The following RBMS3 variants were observed in gnomAD, a reference collection of about 807,000 sequenced individuals.
The protein encoded by RBMS3 is RNA-binding motif, single-stranded-interacting protein 3.
A neutral mutation model predicts 66.8 loss-of-function variants in RBMS3; 27 were observed. The ratio of observed to expected loss-of-function variants is 0.40; its 90% confidence interval spans 0.30 to 0.56. The LOEUF (loss-of-function observed/expected upper bound fraction) is 0.56, where lower values mean the gene tolerates loss of function less well. Ranked by LOEUF, RBMS3 falls within the 20% of genes least tolerant of loss-of-function variation. The pLI, the probability that RBMS3 is intolerant of heterozygous loss-of-function variation, is 0.40. For missense variants in RBMS3, 513 were observed against 549.5 expected (o/e 0.93, Z 0.66); for synonymous variants, 188 against 183.0 (o/e 1.03, Z -0.22).
intron 4 of RBMS3, among the ~76,000 whole-genome samples, chr3:29,725,112 C>G (rs1387610703): frequency 6.6e-6 from 1 of 152,102 alleles, no homozygotes; most frequent in African/African-American, 2.4e-5. Flanking sequence ...GTGTTGTGAC[C>G]ACGAGTACCT....
intron 1 of RBMS3, among the ~76,000 whole-genome samples, chr3:29,344,409 T>A (rs1333352414): frequency 6.6e-6 from 1 of 152,158 alleles, no homozygotes; most frequent in African/African-American, 2.4e-5. Flanking sequence ...AACGTAGTAT[T>A]TCTCTTAACA....
At chr3:29,685,944 T>G (rs995833235) in intron 4 of RBMS3, among the ~76,000 whole-genome samples, 5 of 151,948 alleles carry the variant, frequency 3.3e-5, no homozygotes, top group African/African-American at 1.2e-4. Context: ...TTTTCCCATA[T>G]TTACCAACAA....
At chr3:29,932,583 GTTC>G (rs1427609844) in intron 10 of RBMS3, among the ~76,000 whole-genome samples, 2 of 152,192 alleles carry the variant, frequency 1.3e-5, no homozygotes, top group South Asian at 2.1e-4. Context: ...AATGCAGCTA[GTTC>G]TTCTTATTGT....
chr3:29,469,488 G>A lies in RBMS3; in HGVS notation c.249-18953G>A, dbSNP rs115336627. Among the ~76,000 whole-genome samples, 739 of 152,034 alleles carry A rather than the reference G, an allele frequency of 4.9e-3. 6 individuals carry two copies. Among genetic ancestry groups the A allele is most frequent in the African/African-American group, 0.017 (711 of 41,494 alleles). Reference sequence around the variant, plus strand: ...AACAGATGGGAGATAGGATAAATAAGTTGTGAATTATTTGTTTAATGGGAC... The same window carrying A: ...AACAGATGGGAGATAGGATAAATAAATTGTGAATTATTTGTTTAATGGGAC... On this transcript the variant is annotated intron_variant, in intron 2 of 14. Coordinates refer to ENST00000383767, the MANE Select transcript of RBMS3 (RefSeq NM_001003793.3).
chr3:29,605,159 T>G (rs2048281866), intron 4 of RBMS3, among the ~76,000 whole-genome samples: 2 of 151,880 alleles, frequency 1.3e-5, no homozygotes, highest in Non-Finnish European at 2.9e-5. Context: ...CTTTTCCTCC[T>G]TTGAAATACA....
chr3:29,756,189 T>C (rs938073470), intron 5 of RBMS3, among the ~76,000 whole-genome samples: 3 of 152,132 alleles, frequency 2.0e-5, no homozygotes, highest in African/African-American at 7.2e-5. Context: ...TGCATATCGA[T>C]TCTCTAATTC....
intron 14 of RBMS3, among the ~76,000 whole-genome samples, chr3:30,003,481 A>T (rs1176692743): frequency 1.3e-5 from 2 of 151,970 alleles, no homozygotes; most frequent in Admixed American, 1.3e-4. Context: ...TACGTGATGA[A>T]TACCATGAGA....
chr3:29,488,357 G>A (rs2043399978), intron 2 of RBMS3, 84 bp from the exon 3 acceptor site: 1 of 1,168,386 alleles, frequency 8.6e-7, no homozygotes, highest in East Asian at 2.4e-5. Flanking sequence ...GCTCAGTTGT[G>A]TGTGCCCCGA....
chr3:29,412,664 T>C (rs1376972558), intron 1 of RBMS3, among the ~76,000 whole-genome samples: 5 of 152,170 alleles, frequency 3.3e-5, no homozygotes, highest in African/African-American at 1.2e-4. Flanking sequence ...TATATGTAAG[T>C]GCTGAGAATC....
intron 1 of RBMS3, among the ~76,000 whole-genome samples, chr3:29,311,105 A>G (rs2034345926): frequency 6.6e-6 from 1 of 151,752 alleles, no homozygotes; most frequent in Non-Finnish European, 1.5e-5. Context: ...TCCTTGATTC[A>G]GTAGGTTAAT....
chr3:29,592,781 G>C (rs923674788), intron 4 of RBMS3, among the ~76,000 whole-genome samples: 8 of 151,974 alleles, frequency 5.3e-5, no homozygotes, highest in Non-Finnish European at 1.0e-4. Flanking sequence ...ATGATAGACT[G>C]GATTAAGAAA....
At chr3:29,675,729 T>A (rs995216749) in intron 4 of RBMS3, among the ~76,000 whole-genome samples, 1 of 152,218 alleles carries the variant, frequency 6.6e-6, no homozygotes, top group African/African-American at 2.4e-5. Flanking sequence ...CACAATGAGA[T>A]TCCATCTCAT....
At chr3:29,698,013 T>A (rs952899329) in intron 4 of RBMS3, among the ~76,000 whole-genome samples, 8 of 152,228 alleles carry the variant, frequency 5.3e-5, no homozygotes, top group African/African-American at 1.7e-4. Flanking sequence ...ATAATCATTA[T>A]TCCTCTGACA....
intron 2 of RBMS3, among the ~76,000 whole-genome samples, chr3:29,466,758 C>T (rs1257744780): frequency 1.3e-5 from 2 of 152,166 alleles, no homozygotes; most frequent in Non-Finnish European, 2.9e-5. Context: ...AAATTAAGCA[C>T]TGTTTATGTA....
At chr3:29,500,929 G>C (rs1433296623) in intron 3 of RBMS3, among the ~76,000 whole-genome samples, 1 of 151,844 alleles carries the variant, frequency 6.6e-6, no homozygotes, top group East Asian at 1.9e-4. Context: ...GTTATATAAA[G>C]ATTTACCTAA....
chr3:29,592,319 A>G (rs1034821742), intron 4 of RBMS3, among the ~76,000 whole-genome samples: 1 of 152,290 alleles, frequency 6.6e-6, no homozygotes, highest in Admixed American at 6.5e-5. Flanking sequence ...AGAAAAAACC[A>G]AACAACCTCA....
At chr3:29,774,189 G>C (rs1198833033) in intron 6 of RBMS3, among the ~76,000 whole-genome samples, 1 of 151,954 alleles carries the variant, frequency 6.6e-6, no homozygotes, top group South Asian at 2.1e-4. Context: ...TTTCAAAAGT[G>C]AATATAAAAT....
chr3:29,905,332 A>G (rs757623789), intron 10 of RBMS3, among the ~76,000 whole-genome samples: 1 of 152,028 alleles, frequency 6.6e-6, no homozygotes, highest in African/African-American at 2.4e-5. Context: ...AAAATGCCAT[A>G]TGTTTTCTTA....
chr3:29,908,451 T>A (rs1396952044), intron 10 of RBMS3, among the ~76,000 whole-genome samples: 3 of 152,120 alleles, frequency 2.0e-5, no homozygotes, highest in Admixed American at 2.0e-4. Context: ...GCCATATAGT[T>A]CTTAAGTTAA....
Sources: allele counts gnomAD v4.1 joint callset (sites outside exome capture counted in the v4.1 genomes callset), GRCh38; gene constraint gnomAD v4.1.1; transcripts MANE v1.5; gene names NCBI Gene and HGNC (gene_info 2026-07-23, HGNC 2026-07-21).